The following EEFSEC variants were observed in gnomAD, a reference collection of about 807,000 sequenced individuals.
EEFSEC encodes selenocysteine-specific elongation factor.
A neutral mutation model predicts 42.1 loss-of-function variants in EEFSEC; 43 were observed. That is an observed-to-expected ratio of 1.02 (90% CI 0.80 to 1.32). The LOEUF is 1.32. Ranked by LOEUF, EEFSEC falls within the 40% of genes most tolerant of loss-of-function variation. The pLI is 0.00. For synonymous variants in EEFSEC, 354 were observed against 339.1 expected (o/e 1.04, Z -0.48); for missense variants, 745 against 803.6 (o/e 0.93, Z 0.88).
intron 5 of EEFSEC, 40 bp from the exon 6 acceptor site, chr3:128,358,177 C>G: frequency 6.2e-7 from 1 of 1,604,920 alleles, no homozygotes; most frequent in Non-Finnish European, 8.5e-7. Context: ...CAGTGTGCAC[C>G]ACTAATGCCC....
intron 4 of EEFSEC, among the ~76,000 whole-genome samples, chr3:128,305,910 T>C (rs759769615): frequency 1.3e-5 from 2 of 152,206 alleles, no homozygotes; most frequent in Non-Finnish European, 2.9e-5. Flanking sequence ...AGGTTGTGAA[T>C]GTCCTTTGAG....
rs573476172 is a variant in EEFSEC, at chr3:128,381,401, T to A, written c.1600+23028T>A. Among the ~76,000 whole-genome samples, 7 of 152,314 alleles carry A rather than the reference T, an allele frequency of 4.6e-5. No individual in the cohort carries two copies. The East Asian group carries it at 1.4e-3, about 29-fold the overall frequency. ...ATTGCCGATTGCTAGAAATAAATGATCAGGTCAAAGATTTGGAAACTGGCT... is the reference window on the plus strand; with the variant it reads ...ATTGCCGATTGCTAGAAATAAATGAACAGGTCAAAGATTTGGAAACTGGCT... On this transcript the variant is annotated intron_variant, in intron 6 of 6. Coordinates refer to ENST00000254730, the MANE Select transcript of EEFSEC (RefSeq NM_021937.5).
intron 4 of EEFSEC, among the ~76,000 whole-genome samples, chr3:128,340,098 C>T (rs941202725): frequency 6.6e-6 from 1 of 152,188 alleles, no homozygotes; most frequent in Non-Finnish European, 1.5e-5. Flanking sequence ...TCTCCCTCCC[C>T]ACCCTTGCTG....
At chr3:128,409,645 C>T (rs942802076), downstream of EEFSEC, among the ~76,000 whole-genome samples, 4 of 152,210 alleles carry the variant, frequency 2.6e-5, no homozygotes, top group Admixed American at 6.5e-5. Context: ...CCCCGGTGAG[C>T]GTGGCCTCCG....
chr3:128,369,004 A>G (rs959203906), intron 6 of EEFSEC, among the ~76,000 whole-genome samples: 4 of 152,234 alleles, frequency 2.6e-5, no homozygotes, highest in Non-Finnish European at 5.9e-5. Flanking sequence ...CAGTTGGGCC[A>G]CAATGTGTGG....
At chr3:128,232,064 C>A (rs1356245200) in intron 1 of EEFSEC, among the ~76,000 whole-genome samples, 1 of 152,178 alleles carries the variant, frequency 6.6e-6, no homozygotes, top group Non-Finnish European at 1.5e-5. Context: ...TTCCCACCCC[C>A]ACCCCCAAGC....
At chr3:128,224,850 T>A (rs2065893330) in intron 1 of EEFSEC, among the ~76,000 whole-genome samples, 1 of 152,218 alleles carries the variant, frequency 6.6e-6, no homozygotes, top group African/African-American at 2.4e-5. Context: ...CAAAAGGATA[T>A]AAGAACATAT....
chr3:128,192,008 A>G (rs2065529917), intron 1 of EEFSEC, among the ~76,000 whole-genome samples: 1 of 152,208 alleles, frequency 6.6e-6, no homozygotes, highest in South Asian at 2.1e-4. Context: ...AGTGGTATCA[A>G]TGTTCCTTTA....
intron 2 of EEFSEC, among the ~76,000 whole-genome samples, chr3:128,248,701 A>G (rs574129992): frequency 1.3e-5 from 2 of 152,326 alleles, no homozygotes; most frequent in East Asian, 3.9e-4. Flanking sequence ...GTACAACCTC[A>G]GTACTCAGAT....
At chr3:128,262,078 T>G (rs1252179503) in intron 2 of EEFSEC, 50 bp from the exon 3 acceptor site, 1 of 1,571,842 alleles carries the variant, frequency 6.4e-7, no homozygotes, top group Admixed American at 1.7e-5. Flanking sequence ...GTGCTTTGTG[T>G]CCATGTTGCT....
chr3:128,187,949 A>C (rs2065481416), intron 1 of EEFSEC, among the ~76,000 whole-genome samples: 2 of 152,366 alleles, frequency 1.3e-5, no homozygotes, highest in African/African-American at 4.8e-5. Context: ...GTGATTGGTC[A>C]CAAGTGTAAG....
At chr3:128,279,648 G>C (rs576509606) in intron 4 of EEFSEC, among the ~76,000 whole-genome samples, 24 of 152,320 alleles carry the variant, frequency 1.6e-4, no homozygotes, top group African/African-American at 5.5e-4. Flanking sequence ...GAGGGGAGAC[G>C]AGACCTACCC....
At chr3:128,168,838 G>A (rs1267713677) in intron 1 of EEFSEC, among the ~76,000 whole-genome samples, 3 of 152,184 alleles carry the variant, frequency 2.0e-5, no homozygotes, top group African/African-American at 4.8e-5. Flanking sequence ...GGCTTGTTCC[G>A]TGGCTTTCTT....
At chr3:128,368,471 A>T (rs2067616285) in intron 6 of EEFSEC, among the ~76,000 whole-genome samples, 1 of 152,042 alleles carries the variant, frequency 6.6e-6, no homozygotes, top group South Asian at 2.1e-4. Flanking sequence ...AAAAAGAAGT[A>T]CAGTCCACAA....
intron 1 of EEFSEC, among the ~76,000 whole-genome samples, chr3:128,215,965 A>G (rs1421771018): frequency 6.6e-6 from 1 of 152,110 alleles, no homozygotes; most frequent in African/African-American, 2.4e-5. Flanking sequence ...TACTGTCTAA[A>G]CATTAGGGAC....
intron 4 of EEFSEC, among the ~76,000 whole-genome samples, chr3:128,314,598 C>T (rs2066925128): frequency 6.6e-6 from 1 of 152,206 alleles, no homozygotes; most frequent in Non-Finnish European, 1.5e-5. Flanking sequence ...TCCACCTGTG[C>T]CTCCCAAAGT....
rs149357318 is a variant in EEFSEC at position 128,286,097 on chromosome 3, G to A, written c.786+21316G>A. On this transcript the variant is annotated intron_variant, in intron 4 of 6. Transcript: ENST00000254730. ...GTACCCTATGCCAAGCTTGCTCTTC[G>A]CATTCAGCACTATGATTTTCAGGTT... Among the ~76,000 whole-genome samples, 235 of 152,270 alleles carry A rather than the reference G, an allele frequency of 1.5e-3. 1 individual carries two copies. The highest frequency in any genetic ancestry group is 5.2e-3 in the African/African-American group (217 of 41,530).
chr3:128,407,116 A>C (rs2068124458), intron 6 of EEFSEC, among the ~76,000 whole-genome samples: 1 of 152,196 alleles, frequency 6.6e-6, no homozygotes, highest in African/African-American at 2.4e-5. Context: ...CGGTGCACAA[A>C]GGCAGAGAGT....
chr3:128,181,925 C>T (rs544416622), intron 1 of EEFSEC, among the ~76,000 whole-genome samples: 1 of 152,278 alleles, frequency 6.6e-6, no homozygotes, highest in Admixed American at 6.5e-5. Context: ...GCGATTCTCC[C>T]ACCTCAGGCT....
Sources: allele counts gnomAD v4.1 joint callset (sites outside exome capture counted in the v4.1 genomes callset), GRCh38; gene constraint gnomAD v4.1.1; transcripts MANE v1.5; gene names NCBI Gene and HGNC (gene_info 2026-07-23, HGNC 2026-07-21).